The following PLXNA1 variants were observed in gnomAD, a reference collection of about 807,000 sequenced individuals.
The protein encoded by PLXNA1 is plexin A1, also known as plexin-A1.
In PLXNA1, 77 loss-of-function variants were observed where a neutral mutation model predicts 191.7. The ratio of observed to expected loss-of-function variants is 0.40; its 90% CI spans 0.33 to 0.49. The LOEUF is 0.49. PLXNA1 is among the 20% of genes least tolerant of loss of function. The probability of loss-of-function intolerance (pLI) is 0.63; values close to 1 mark genes in which losing one functional copy is unlikely to be tolerated. For missense variants in PLXNA1, 2,110 were observed against 2,660.2 expected, an observed-to-expected ratio of 0.79 and a Z score of 4.55; for synonymous variants, 1,137 against 1,156.4, an observed-to-expected ratio of 0.98 and a Z score of 0.34.
chr3:127,017,802 G>A lies in PLXNA1; in HGVS notation c.3570G>A (p.Val1190=). ...APGNSRLNYT[V]LIGSTPCTLT... Reference sequence around the variant, plus strand: ...GCAACTCCCGACTCAACTACACGGTGCTCATCGGCTCCACACCCTGTACCC... The same window carrying A: ...GCAACTCCCGACTCAACTACACGGTACTCATCGGCTCCACACCCTGTACCC... The change falls in exon 19 of 32, where the codon GTG becomes GTA. Residue 1190 remains valine, a synonymous_variant. Coordinates refer to ENST00000393409, the MANE Select transcript of PLXNA1 (RefSeq NM_032242.4). 3.7e-6 allele frequency: 6 copies of A among 1,613,170 alleles called. No individual in the cohort carries two copies. Among genetic ancestry groups the A allele is most frequent in the Non-Finnish European group, 5.1e-6 (6 of 1,180,018 alleles).
At chr3:127,010,006 G>A (rs1300932734) in intron 9 of PLXNA1, among the ~76,000 whole-genome samples, 1 of 152,252 alleles carries the variant, frequency 6.6e-6, no homozygotes, top group Non-Finnish European at 1.5e-5. Flanking sequence ...CCGCCAGTCA[G>A]CTCCCAGATC....
At chr3:127,024,037 A>G (rs1477900912) in intron 23 of PLXNA1, among the ~76,000 whole-genome samples, 1 of 152,202 alleles carries the variant, frequency 6.6e-6, no homozygotes, top group South Asian at 2.1e-4. Context: ...GGAAGCAGGT[A>G]ACACAAAGTC....
rs147171987 is a variant in PLXNA1 at position 127,015,324 on chromosome 3, C to T, written c.3014+4C>T. Reference sequence around the variant, plus strand: ...GCCGGCCCTGCTCCTTCTCCTGGTACGGGGTGCAGGTGGGGGTGGGGGCCT... The same window carrying T: ...GCCGGCCCTGCTCCTTCTCCTGGTATGGGGTGCAGGTGGGGGTGGGGGCCT... On this transcript the variant is annotated splice_donor_region_variant and intron_variant, in intron 15 of 31. Transcript: ENST00000393409. 0.01 allele frequency: 13,057 copies of T among 1,299,192 alleles called. 73 individuals carry two copies. The highest frequency in any genetic ancestry group is 0.014 in the Middle Eastern group (70 of 5,134). The allele number at this position is 1,299,192 out of a possible 1,614,324, so 80.5% of individuals were successfully genotyped here.
At chr3:127,022,712 C>A (rs751680582) in intron 22 of PLXNA1, 40 bp from the exon 23 acceptor site, 1 of 1,585,520 alleles carries the variant, frequency 6.3e-7, no homozygotes. Context: ...TGCTGGACAG[C>A]TGGAATGACA....
rs193271732 is a variant in PLXNA1 at position 126,989,818 on chromosome 3, C to T, written c.1194+31C>T. The T allele has an allele frequency of 4.5e-4, 687 of 1,542,498 alleles. 2 individuals carry two copies. The highest frequency in any genetic ancestry group is 1.6e-3 in the African/African-American group (120 of 73,586). Reference sequence around the variant, plus strand: ...TTGGGCAGGGGCGCCCCTCCTCCCGCGGCCCCATCCCCTCCAGGGACGACG... The same window carrying T: ...TTGGGCAGGGGCGCCCCTCCTCCCGTGGCCCCATCCCCTCCAGGGACGACG... On this transcript the variant is annotated intron_variant, in intron 2 of 31. Transcript: ENST00000393409.
chr3:126,990,499 C>T (rs988267787), intron 2 of PLXNA1, among the ~76,000 whole-genome samples: 16 of 152,216 alleles, frequency 1.1e-4, no homozygotes, highest in African/African-American at 1.7e-4. Context: ...TCAGAGGGCA[C>T]GGGCCTTGCT....
chr3:126,997,271 G>T (rs1178267537), intron 3 of PLXNA1, among the ~76,000 whole-genome samples: 1 of 152,218 alleles, frequency 6.6e-6, no homozygotes. Flanking sequence ...TTTCTTTGGG[G>T]TTTCAGCCTG....
Position 127,014,204 on chromosome 3 carries a change from C to T in PLXNA1, c.2433C>T (p.Ala811=). 1 of 1,608,948 alleles carries T rather than the reference C, an allele frequency of 6.2e-7. No homozygotes were observed. Among genetic ancestry groups the T allele is most frequent in the Non-Finnish European group, 8.5e-7 (1 of 1,177,352 alleles). The change falls in exon 12 of 32, where the codon GCC becomes GCT. Residue 811 remains alanine (A), a synonymous_variant. Transcript: ENST00000393409. ...CAGCGCACCTCTACAAGTGCCCGGC[C>T]CTGCGCGAGAGCTGCGGCCTCTGCC... ...NIQAHLYKCP[A]LRESCGLCLK...
chr3:127,004,558 G>C (rs1267839697), intron 4 of PLXNA1, 53 bp from the exon 5 acceptor site: 1 of 1,326,052 alleles, frequency 7.5e-7, no homozygotes, highest in Non-Finnish European at 1.1e-6. Flanking sequence ...GGTGAGGATG[G>C]TCAAGGACCC....
chr3:127,011,575 G>T (rs2079095764), intron 9 of PLXNA1, among the ~76,000 whole-genome samples: 1 of 152,204 alleles, frequency 6.6e-6, no homozygotes, highest in Non-Finnish European at 1.5e-5. Context: ...CAGAGGCCAG[G>T]CCTGTTTTTC....
intron 1 of PLXNA1, among the ~76,000 whole-genome samples, chr3:126,986,617 G>T (rs1278305354): frequency 6.6e-6 from 1 of 152,192 alleles, no homozygotes; most frequent in African/African-American, 2.4e-5. Context: ...GCTTGGCTTG[G>T]GGATGCAGTG....
intron 9 of PLXNA1, among the ~76,000 whole-genome samples, chr3:127,009,726 C>T (rs1229206854): frequency 6.6e-6 from 1 of 152,194 alleles, no homozygotes; most frequent in Non-Finnish European, 1.5e-5. Flanking sequence ...TCTGTGGCCC[C>T]TTCTTGTGCC....
At chr3:127,029,627 C>T (rs925299249) in intron 27 of PLXNA1, 91 bp downstream of exon 27, 34 of 1,376,560 alleles carry the variant, frequency 2.5e-5, no homozygotes, top group Admixed American at 1.0e-4. Flanking sequence ...AGCAGCCGGA[C>T]GGGAGGACCC....
intron 22 of PLXNA1, 22 bp downstream of exon 22, chr3:127,022,363 G>T: frequency 6.3e-7 from 1 of 1,599,904 alleles, no homozygotes. Context: ...GGGCACTGGG[G>T]TTGGGGGAGG....
intron 3 of PLXNA1, among the ~76,000 whole-genome samples, chr3:126,995,438 G>T (rs901203508): frequency 3.3e-5 from 5 of 152,254 alleles, no homozygotes; most frequent in African/African-American, 1.2e-4. Flanking sequence ...TGCAGAGCGG[G>T]TGCTGTCCCC....
intron 7 of PLXNA1, 48 bp from the exon 8 acceptor site, chr3:127,006,031 G>C: frequency 1.4e-6 from 2 of 1,430,752 alleles, no homozygotes; most frequent in Non-Finnish European, 2.0e-6. Flanking sequence ...CCCTGTGTGG[G>C]AGTCCTGGGC....
rs1336240753 is a variant in PLXNA1 at position 126,989,708 on chromosome 3, G to A, written c.1115G>A (p.Arg372His). Reference protein sequence around the residue: ...LRAIKEKIKERIQSCYRGEGK... With the variant: ...LRAIKEKIKEHIQSCYRGEGK... ...GCCATCAAGGAGAAGATTAAGGAGC[G>A]CATCCAGTCCTGCTACCGTGGTGAG... The change falls in exon 2 of 32, where the codon CGC becomes CAC. Residue 372 changes from arginine (R) to histidine (H), a missense_variant. Arg to His is a conservative substitution (Grantham distance 29). Coordinates refer to ENST00000393409, the MANE Select transcript of PLXNA1 (RefSeq NM_032242.4). The A allele has an allele frequency of 1.1e-5, 18 of 1,612,968 alleles. No homozygotes were observed. The highest frequency in any genetic ancestry group is 5.0e-5 in the Admixed American group (3 of 60,010).
In PLXNA1 at chr3:127,017,425, G is replaced by A. The variant is rs1309417796; in HGVS notation, c.3277G>A (p.Gly1093Ser). Residue 1093 changes from glycine (G) to serine (S), a missense_variant and splice_region_variant, in exon 18 of 32, where the codon GGC (glycine) becomes AGC (serine). Physicochemically the swap from Gly to Ser is moderately conservative, Grantham distance 56. This residue lies in a region of PLXNA1 where 644 missense variants were observed against 714.3 expected (regional missense o/e 0.90). Transcript: ENST00000393409. ...CAGCATCCCCACCCTGTGTCTCCAG[G>A]GCTGCCTGGTGTACAATGACACCAC... ...AKYGGIEREN[G>S]CLVYNDTTMV... is the part of the protein sequence containing the mutation. 1.9e-6 allele frequency: 3 copies of A among 1,612,112 alleles called. No homozygotes were observed. In the South Asian group the frequency reaches 3.3e-5, roughly 18 times the overall value.
rs183865147 is a variant in PLXNA1 at position 126,996,740 on chromosome 3, G to A, written c.1377+5174G>A. ...TGTTGTTGAGGGAGGGACAAGGGGA[G>A]TTGATTTCAATGACTTGCCCTTGAA... On this transcript the variant is annotated intron_variant, in intron 3 of 31. Coordinates refer to ENST00000393409, the MANE Select transcript of PLXNA1 (RefSeq NM_032242.4). 2.5e-3 allele frequency among the ~76,000 whole-genome samples: 381 copies of A among 152,322 alleles called. 1 individual carries two copies. Among genetic ancestry groups the A allele is most frequent in the Non-Finnish European group, 3.9e-3 (262 of 68,030 alleles).
Sources: gnomAD v4.1 joint callset for allele counts (sites outside exome capture counted in the v4.1 genomes callset) on GRCh38, gnomAD v4.1.1 for gene constraint, gnomAD v4.1.1 regional missense constraint, MANE v1.5 for transcripts, NCBI Gene and HGNC (gene_info 2026-07-23, HGNC 2026-07-21) for gene names.